Variants in ZNF37A observed in about 807,000 individuals in gnomAD.
ZNF37A encodes the protein zinc finger protein 37A.
In ZNF37A, 10 loss-of-function variants were observed where a neutral mutation model predicts 12.3. That is an observed-to-expected ratio of 0.82 (90% CI 0.50 to 1.38). ZNF37A has a LOEUF of 1.38. ZNF37A is among the 40% of genes most tolerant of loss of function. The pLI is 0.00. For missense variants in ZNF37A, 580 were observed against 651.2 expected, an observed-to-expected ratio of 0.89 and a Z score of 1.19; for synonymous variants, 207 against 223.0, an observed-to-expected ratio of 0.93 and a Z score of 0.64.
At chr10:38,110,789 C>G (rs1269085646) in intron 5 of ZNF37A, among the ~76,000 whole-genome samples, 1 of 152,184 alleles carries the variant, frequency 6.6e-6, no homozygotes, top group Non-Finnish European at 1.5e-5. Flanking sequence ...GAGATACTAT[C>G]TCATGCCAGT....
Position 38,119,011 on chromosome 10 carries a change from C to A in ZNF37A, c.*174C>A. The A allele has an allele frequency of 7.6e-7, 1 of 1,321,712 alleles. No individual in the cohort carries two copies. Among genetic ancestry groups the A allele is most frequent in the South Asian group, 2.4e-5 (1 of 41,672 alleles). 81.9% of individuals were successfully genotyped at this position (1,321,712 alleles called of 1,614,324 possible). ...GGAAAACATTATTCTGGAATTTGGA[C>A]CATACACTATGTTACAAAACTAAAA... On this transcript the variant is annotated 3_prime_UTR_variant, in exon 8 of 8. Coordinates refer to ENST00000685332, the MANE Select transcript of ZNF37A (RefSeq NM_001324250.3).
intron 7 of ZNF37A, among the ~76,000 whole-genome samples, chr10:38,131,735 C>T (rs983640893): frequency 4.6e-5 from 7 of 152,152 alleles, no homozygotes; most frequent in African/African-American, 1.2e-4. Context: ...GTATTGGCAT[C>T]TTCACAGTGT....
At chr10:38,098,811 T>C (rs939525821) in intron 5 of ZNF37A, among the ~76,000 whole-genome samples, 2 of 152,220 alleles carry the variant, frequency 1.3e-5, no homozygotes, top group Non-Finnish European at 2.9e-5. Context: ...GTAGAGACTG[T>C]AATGGCCCAT....
Position 38,118,420 on chromosome 10 carries a change from G to T in ZNF37A, c.1269G>T (p.Lys423Asn), listed in dbSNP as rs2069468772. The change falls in exon 8 of 8, where the codon AAG becomes AAT. Residue 423 changes from lysine (K) to asparagine (N), a missense_variant. Lys to Asn is a moderately conservative substitution (Grantham distance 94). Coordinates refer to ENST00000685332, the MANE Select transcript of ZNF37A (RefSeq NM_001324250.3). Reference sequence around the variant, plus strand: ...AATGTGGGAAGTCATTCTCTGAGAAGTCAACCCTTACTAAACATCTAAGAA... The same window carrying T: ...AATGTGGGAAGTCATTCTCTGAGAATTCAACCCTTACTAAACATCTAAGAA... Reference protein sequence around the residue: ...CNECGKSFSEKSTLTKHLRTH... With the variant: ...CNECGKSFSENSTLTKHLRTH... 6.2e-7 allele frequency: 1 copy of T among 1,613,890 alleles called. No homozygotes were observed. The highest frequency in any genetic ancestry group is 1.1e-5 in the South Asian group (1 of 91,086).
chr10:38,116,624 C>T (rs1445626338), intron 7 of ZNF37A, among the ~76,000 whole-genome samples: 2 of 151,968 alleles, frequency 1.3e-5, no homozygotes, highest in Non-Finnish European at 2.9e-5. Flanking sequence ...TTCAGTGATA[C>T]CTTGTTTAAA....
chr10:38,129,554 T>C (rs1389701733), downstream of ZNF37A, among the ~76,000 whole-genome samples: 1 of 152,090 alleles, frequency 6.6e-6, no homozygotes, highest in East Asian at 1.9e-4. Context: ...GTTAAAAAAC[T>C]ATAACTTGGC....
At chr10:38,132,073 T>C (rs1015117817) in intron 7 of ZNF37A, among the ~76,000 whole-genome samples, 5 of 152,120 alleles carry the variant, frequency 3.3e-5, no homozygotes, top group African/African-American at 1.2e-4. Flanking sequence ...AATAGAGATA[T>C]TTTTACCTCT....
chr10:38,097,702 G>T (rs1207286684), intron 5 of ZNF37A, among the ~76,000 whole-genome samples: 1 of 151,618 alleles, frequency 6.6e-6, no homozygotes, highest in South Asian at 2.1e-4. Flanking sequence ...TTAGGATGTG[G>T]CAGGCTTTGT....
chr10:38,145,646 A>G (rs2070243302), intron 7 of ZNF37A, among the ~76,000 whole-genome samples: 1 of 152,210 alleles, frequency 6.6e-6, no homozygotes, highest in African/African-American at 2.4e-5. Context: ...GCAGCGGAAA[A>G]CAATGGATGT....
At chr10:38,096,455 A>C in intron 4 of ZNF37A, 119 bp from the exon 5 acceptor site, 1 of 670,006 alleles carries the variant, frequency 1.5e-6, no homozygotes, top group Non-Finnish European at 2.6e-6. Context: ...AGCAGTACAT[A>C]ATCATGCCAG....
rs759318179 is a variant in ZNF37A at position 38,114,808 on chromosome 10, G to A, written c.69G>A (p.Gln23=). The change falls in exon 6 of 8, where the codon CAG becomes CAA. Residue 23 remains glutamine (Q), a synonymous_variant. Transcript: ENST00000685332. The part of the protein sequence containing the change: ...VTVGFTQEEW[Q]HLDPAQRTLY... ...TGGGCTTCACTCAAGAGGAGTGGCA[G>A]CATCTGGACCCTGCTCAGAGGACCC... 1 of 1,614,048 alleles carries A rather than the reference G, an allele frequency of 6.2e-7. No homozygotes were observed. Among genetic ancestry groups the A allele is most frequent in the South Asian group, 1.1e-5 (1 of 91,084 alleles).
At chr10:38,103,607 C>T (rs2067779186) in intron 5 of ZNF37A, among the ~76,000 whole-genome samples, 1 of 151,952 alleles carries the variant, frequency 6.6e-6, no homozygotes, top group Non-Finnish European at 1.5e-5. Context: ...CTTTGCATGC[C>T]TCATAATTTT....
At chr10:38,096,857 A>G (rs2067193620) in intron 5 of ZNF37A, among the ~76,000 whole-genome samples, 2 of 152,194 alleles carry the variant, frequency 1.3e-5, no homozygotes, top group African/African-American at 2.4e-5. Flanking sequence ...AACAAGAATT[A>G]TATGAAATTC....
intron 7 of ZNF37A, chr10:38,143,116 T>C (rs2070206009): frequency 6.6e-6 from 1 of 152,246 alleles, no homozygotes; most frequent in Non-Finnish European, 1.5e-5. Flanking sequence ...ACAGTGTGGA[T>C]CTGGGATACA....
intron 7 of ZNF37A, chr10:38,137,876 T>C (rs1419032106): frequency 1.3e-5 from 2 of 152,262 alleles, no homozygotes; most frequent in Non-Finnish European, 2.9e-5. Context: ...TGGTATTTTG[T>C]ACTTTGCCAT....
chr10:38,099,992 G>A (rs1317121834), intron 5 of ZNF37A, among the ~76,000 whole-genome samples: 2 of 152,118 alleles, frequency 1.3e-5, no homozygotes, highest in East Asian at 3.9e-4. Flanking sequence ...CTAAGCATCG[G>A]CCAGTTTGAG....
At chr10:38,112,802 T>TGGTCTTGGTCTTG (rs148186182) in intron 5 of ZNF37A, among the ~76,000 whole-genome samples, 2 of 69,084 alleles carry the variant, frequency 2.9e-5, no homozygotes, top group Non-Finnish European at 6.4e-5. Flanking sequence ...TTTCTTGTCT[T>TGGTCTTGGTCTTG]GTCTTGTCTT....
intron 5 of ZNF37A, among the ~76,000 whole-genome samples, chr10:38,108,163 G>A (rs1220490249): frequency 6.6e-6 from 1 of 152,138 alleles, no homozygotes; most frequent in Non-Finnish European, 1.5e-5. Context: ...TCGGGCCACA[G>A]TGCAATCAAA....
At chr10:38,146,960 A>G (rs2070263635) in exon 8 of ZNF37A, 1 of 387,556 alleles carries the variant, frequency 2.6e-6, no homozygotes, top group South Asian at 1.4e-4. Flanking sequence ...CATTGTTTCT[A>G]TAGGTTATAG....
Sources: gnomAD v4.1 joint callset for allele counts (sites outside exome capture counted in the v4.1 genomes callset) on GRCh38, gnomAD v4.1.1 for gene constraint, MANE v1.5 for transcripts, NCBI Gene and HGNC (gene_info 2026-07-23, HGNC 2026-07-21) for gene names.